The following ZNF33B variants were observed in gnomAD, a reference collection of about 807,000 sequenced individuals.
The protein encoded by ZNF33B is zinc finger protein 33B.
ZNF33B carries 29 observed loss-of-function variants against 45.8 expected under a neutral mutation model. The observed-to-expected ratio is 0.63, with a 90% CI of 0.47 to 0.86. The LOEUF (loss-of-function observed/expected upper bound fraction) is 0.86, where lower values mean the gene tolerates loss of function less well. Ranked by LOEUF, ZNF33B falls within the 40% of genes least tolerant of loss-of-function variation. The probability of loss-of-function intolerance (pLI) is 0.00; values close to 1 mark genes in which losing one functional copy is unlikely to be tolerated. For missense variants in ZNF33B, 831 were observed against 909.9 expected (o/e 0.91, Z 1.12); for synonymous variants, 305 against 307.8 (o/e 0.99, Z 0.10).
downstream of ZNF33B, among the ~76,000 whole-genome samples, chr10:42,585,158 CCA>C (rs1302401597): frequency 1.3e-5 from 2 of 152,192 alleles, no homozygotes; most frequent in African/African-American, 4.8e-5. Flanking sequence ...CTTGTGGACA[CCA>C]CTTTAGTCTC....
At chr10:42,634,189 G>A (rs535631681) in intron 2 of ZNF33B, among the ~76,000 whole-genome samples, 5 of 151,966 alleles carry the variant, frequency 3.3e-5, no homozygotes, top group African/African-American at 9.6e-5. Flanking sequence ...CAGCTCACTT[G>A]AGGTCAGGAG....
intron 4 of ZNF33B, among the ~76,000 whole-genome samples, chr10:42,600,843 A>C (rs1837590172): frequency 6.6e-6 from 1 of 152,188 alleles, no homozygotes; most frequent in Non-Finnish European, 1.5e-5. Context: ...TTTTTGTATA[A>C]AGTCAATATC....
At chr10:42,624,273 A>T (rs1454358089) in intron 4 of ZNF33B, among the ~76,000 whole-genome samples, 3 of 152,188 alleles carry the variant, frequency 2.0e-5, no homozygotes, top group African/African-American at 7.2e-5. Flanking sequence ...GCTCCAACAT[A>T]TGAATTTTGG....
chr10:42,587,198 T>TTTTTG (rs569993768), downstream of ZNF33B, among the ~76,000 whole-genome samples: 190 of 152,208 alleles, frequency 1.2e-3, 3 homozygotes, highest in East Asian at 0.023. Context: ...CATGACTTGC[T>TTTTTG]TTTTGTTTTG....
chr10:42,616,973 C>T (rs1189981135), intron 4 of ZNF33B, among the ~76,000 whole-genome samples: 2 of 151,668 alleles, frequency 1.3e-5, no homozygotes, highest in Non-Finnish European at 2.9e-5. Flanking sequence ...GGATTACAGG[C>T]ATGAACCAAC....
rs868657298 is a variant in ZNF33B at position 42,594,650 on chromosome 10, A to T, written c.300T>A (p.Ser100=). 3 of 1,601,126 alleles carry T rather than the reference A, an allele frequency of 1.9e-6. No homozygotes were observed. The African/African-American group carries it at 4.0e-5, about 22-fold the overall frequency. The part of the protein sequence containing the change: ...HLKERSQENQ[S]KHLWEVVFIN... Reference sequence around the variant, plus strand: ...TGAATACAACTTCCCACAAATGTTTAGATTGATTTTCTTGGCTCCTCTCTT... The same window carrying T: ...TGAATACAACTTCCCACAAATGTTTTGATTGATTTTCTTGGCTCCTCTCTT... The change falls in exon 5 of 5, where the codon TCT becomes TCA. Residue 100 remains serine, a synonymous_variant. Coordinates refer to ENST00000359467, the MANE Select transcript of ZNF33B (RefSeq NM_006955.3).
intron 4 of ZNF33B, among the ~76,000 whole-genome samples, chr10:42,612,150 G>T (rs1214735030): frequency 6.6e-6 from 1 of 151,650 alleles, no homozygotes; most frequent in Non-Finnish European, 1.5e-5. Context: ...TATCATGAAT[G>T]GGTGTTGAAT....
intron 1 of ZNF33B, among the ~76,000 whole-genome samples, chr10:42,575,392 C>G (rs1051632353): frequency 6.6e-6 from 1 of 152,090 alleles, no homozygotes; most frequent in Non-Finnish European, 1.5e-5. Context: ...CAGGTTTCCC[C>G]TAGAAGCATC....
chr10:42,592,619 A>G lies in ZNF33B; in HGVS notation c.2331T>C (p.Tyr777=), dbSNP rs867398847. Residue 777 remains tyrosine, a synonymous_variant, in exon 5 of 5, where the codon TAT becomes TAC. Transcript: ENST00000359467. Reference sequence around the variant, plus strand: ...GAAATTTCTAATATCCAATTCATTCATAAGGTTTTTCTCCTATGTGTGTTC... The same window carrying G: ...GAAATTTCTAATATCCAATTCATTCGTAAGGTTTTTCTCCTATGTGTGTTC... The part of the protein sequence containing the change: ...HQRTHIGEKP[Y]E 2 of 1,611,338 alleles carry G rather than the reference A, an allele frequency of 1.2e-6. No individual in the cohort carries two copies. The highest frequency in any genetic ancestry group is 1.3e-5 in the African/African-American group (1 of 74,724).
intron 4 of ZNF33B, among the ~76,000 whole-genome samples, chr10:42,624,662 A>G (rs1838725525): frequency 6.6e-6 from 1 of 152,176 alleles, no homozygotes; most frequent in Admixed American, 6.5e-5. Context: ...TATTAAGTAA[A>G]ATAAGGGTTA....
intron 1 of ZNF33B, among the ~76,000 whole-genome samples, chr10:42,580,541 A>G (rs1478114153): frequency 1.3e-5 from 2 of 151,848 alleles, no homozygotes; most frequent in Non-Finnish European, 2.9e-5. Flanking sequence ...CCTCGCCTCT[A>G]CTAAGTGTTT....
In ZNF33B at chr10:42,605,300, A is replaced by C. The variant is rs942980440; in HGVS notation, c.251-10601T>G. 2.0e-5 allele frequency: 3 copies of C among 150,904 alleles called. No individual in the cohort carries two copies. The South Asian group carries it at 6.3e-4, about 31-fold the overall frequency. 9.3% of individuals were successfully genotyped at this position (150,904 alleles called of 1,614,324 possible). On this transcript the variant is annotated intron_variant, in intron 4 of 4. Coordinates refer to ENST00000359467, the MANE Select transcript of ZNF33B (RefSeq NM_006955.3). ...AAAAAAAAAGAGGCCAAAAACTTGC[A>C]AATCTGTTGACGAAGAGAAAATCCT... is the stretch of plus-strand genomic sequence containing the variant.
At chr10:42,598,067 C>T (rs1174262334) in intron 4 of ZNF33B, among the ~76,000 whole-genome samples, 3 of 152,198 alleles carry the variant, frequency 2.0e-5, no homozygotes, top group African/African-American at 4.8e-5. Context: ...TCTCTCCCAT[C>T]AAATGAAATT....
chr10:42,635,239 CAA>C (rs71533034), intron 2 of ZNF33B, among the ~76,000 whole-genome samples: 29 of 99,278 alleles, frequency 2.9e-4, no homozygotes, highest in South Asian at 3.2e-4. Context: ...AGACATTCTC[CAA>C]AAAAAAAAAA....
intron 4 of ZNF33B, among the ~76,000 whole-genome samples, chr10:42,596,131 AAAAAG>A (rs1169462372): frequency 1.3e-5 from 2 of 151,802 alleles, no homozygotes; most frequent in Non-Finnish European, 2.9e-5. Flanking sequence ...TTAAAGAAGA[AAAAAG>A]AAAACAATGG....
chr10:42,620,155 G>A (rs1335073804), intron 4 of ZNF33B, among the ~76,000 whole-genome samples: 1 of 150,060 alleles, frequency 6.7e-6, no homozygotes, highest in Non-Finnish European at 1.5e-5. Flanking sequence ...GGAGGAGGTT[G>A]CAGTGAACCA....
intron 4 of ZNF33B, among the ~76,000 whole-genome samples, chr10:42,625,397 T>C (rs1589064050): frequency 6.6e-6 from 1 of 152,196 alleles, no homozygotes; most frequent in East Asian, 1.9e-4. Context: ...TGGAAAGAAA[T>C]TGATTATATG....
Position 42,591,457 on chromosome 10 carries a change from A to G in ZNF33B, c.*1156T>C. The G allele has an allele frequency of 3.0e-5, 9 of 303,378 alleles. No homozygotes were observed. The highest frequency in any genetic ancestry group is 4.4e-5 in the Non-Finnish European group (9 of 206,408). 18.8% of individuals were successfully genotyped at this position (303,378 alleles called of 1,614,324 possible). ...TTCAGATAATCTGTTATTTTGATTTATAACTTTTAAATGGATAAACATTAG... is the reference window on the plus strand; with the variant it reads ...TTCAGATAATCTGTTATTTTGATTTGTAACTTTTAAATGGATAAACATTAG... On this transcript the variant is annotated 3_prime_UTR_variant, in exon 5 of 5. Transcript: ENST00000359467.
chr10:42,635,861 T>G lies in ZNF33B; in HGVS notation c.9+1059A>C, dbSNP rs546558337. On this transcript the variant is annotated intron_variant, in intron 2 of 4. Coordinates refer to ENST00000359467, the MANE Select transcript of ZNF33B (RefSeq NM_006955.3). The stretch of plus-strand genomic sequence containing the variant: ...ACTTTAATTTATTGGCCGGGCACAG[T>G]GGCTCACGCCTGTAATCCCAGCACT... Among the ~76,000 whole-genome samples, 45 of 142,894 alleles carry G rather than the reference T, an allele frequency of 3.1e-4. 2 individuals are homozygous for G. The South Asian group carries it at 7.4e-3, about 23-fold the overall frequency. The allele number at this position is 142,894 out of a possible 152,430, so 93.7% of individuals were successfully genotyped here. A position where few individuals can be genotyped will look rare whatever the true frequency, so the allele number is the denominator to read the frequency against.
Sources: gnomAD v4.1 joint callset for allele counts (sites outside exome capture counted in the v4.1 genomes callset) on GRCh38, gnomAD v4.1.1 for gene constraint, MANE v1.5 for transcripts, NCBI Gene and HGNC (gene_info 2026-07-23, HGNC 2026-07-21) for gene names.